The following DPYD variants were observed in gnomAD, a reference collection of about 807,000 sequenced individuals.
DPYD encodes the protein dihydropyrimidine dehydrogenase.
DPYD carries 109 observed loss-of-function variants against 116.2 expected under a neutral mutation model. The ratio of observed to expected loss-of-function variants is 0.94; its 90% CI spans 0.80 to 1.10. The LOEUF is 1.10. DPYD is among the 50% of genes least tolerant of loss of function. DPYD has a pLI of 0.00. For missense variants in DPYD, 1,302 were observed against 1,254.5 expected (o/e 1.04, Z -0.57); for synonymous variants, 440 against 432.0 (o/e 1.02, Z -0.23).
intron 13 of DPYD, among the ~76,000 whole-genome samples, chr1:97,469,870 T>C (rs1300851651): frequency 6.6e-6 from 1 of 152,206 alleles, no homozygotes; most frequent in Non-Finnish European, 1.5e-5. Flanking sequence ...ACATGGAGGA[T>C]ACAGGCTAGA....
At chr1:97,408,055 C>A (rs1673776429) in intron 14 of DPYD, among the ~76,000 whole-genome samples, 1 of 152,018 alleles carries the variant, frequency 6.6e-6, no homozygotes, top group Non-Finnish European at 1.5e-5. Context: ...TACAGGAGAT[C>A]CCTTAGGGCA....
At chr1:97,841,823 GTTTT>G (rs1670051386) in intron 2 of DPYD, among the ~76,000 whole-genome samples, 1 of 151,792 alleles carries the variant, frequency 6.6e-6, no homozygotes, top group South Asian at 2.1e-4. Flanking sequence ...TTTTTTGTTT[GTTTT>G]TATTATTAAT....
At chr1:97,539,840 G>GT (rs893292904) in intron 12 of DPYD, among the ~76,000 whole-genome samples, 3 of 152,066 alleles carry the variant, frequency 2.0e-5, no homozygotes, top group African/African-American at 7.2e-5. Context: ...CTATCTCCAA[G>GT]TTTTTTCTCA....
At chr1:97,210,722 T>G (rs1659981772) in intron 19 of DPYD, among the ~76,000 whole-genome samples, 1 of 152,148 alleles carries the variant, frequency 6.6e-6, no homozygotes, top group Non-Finnish European at 1.5e-5. Flanking sequence ...AGTGCCTATC[T>G]GACATTTTCA....
intron 2 of DPYD, among the ~76,000 whole-genome samples, chr1:97,836,047 G>A (rs997366849): frequency 6.6e-6 from 1 of 152,142 alleles, no homozygotes; most frequent in Non-Finnish European, 1.5e-5. Context: ...ATGTAATCTA[G>A]AGGCTTTAAA....
intron 8 of DPYD, among the ~76,000 whole-genome samples, chr1:97,643,085 T>G (rs1243584132): frequency 1.3e-5 from 2 of 151,916 alleles, no homozygotes; most frequent in African/African-American, 4.8e-5. Context: ...AATTGACAAA[T>G]GGGATCTAAT....
chr1:97,589,169 T>C (rs1404248730), intron 10 of DPYD, among the ~76,000 whole-genome samples: 2 of 152,226 alleles, frequency 1.3e-5, no homozygotes, highest in Non-Finnish European at 2.9e-5. Flanking sequence ...CAGAGTCTAT[T>C]GGATGATGTC....
intron 2 of DPYD, among the ~76,000 whole-genome samples, chr1:97,879,116 A>G (rs1672055837): frequency 6.6e-6 from 1 of 151,972 alleles, no homozygotes; most frequent in Non-Finnish European, 1.5e-5. Flanking sequence ...GGAACTGTGA[A>G]TAGGTTTCTT....
intron 19 of DPYD, among the ~76,000 whole-genome samples, chr1:97,196,561 G>A (rs1220099366): frequency 4.3e-4 from 66 of 152,196 alleles, no homozygotes; most frequent in Non-Finnish European, 2.4e-4. Context: ...ATAAAACAAT[G>A]CAATATCTAA....
At position 97,606,984 on chromosome 1, in the gene DPYD, C is replaced by A. The variant is rs76408291; in HGVS notation, c.851-11818G>T. ...TTAAATTATAGTGTTCATATTACGA[C>A]AAATGTAGAGAGACTGAAAAATGAG... On this transcript the variant is annotated intron_variant, in intron 8 of 22. Coordinates refer to ENST00000370192, the MANE Select transcript of DPYD (RefSeq NM_000110.4). Among the ~76,000 whole-genome samples the A allele has an allele frequency of 7.2e-3, 1,092 of 151,938 alleles. 14 individuals are homozygous for A. The highest frequency in any genetic ancestry group is 0.025 in the African/African-American group (1,040 of 41,472).
chr1:97,769,166 T>C (rs1666022959), intron 3 of DPYD, among the ~76,000 whole-genome samples: 2 of 152,086 alleles, frequency 1.3e-5, no homozygotes, highest in South Asian at 4.1e-4. Context: ...TGCCTAGATT[T>C]CCATTAAGTA....
intron 21 of DPYD, among the ~76,000 whole-genome samples, chr1:97,090,009 TTC>T (rs1290395027): frequency 6.6e-6 from 1 of 152,142 alleles, no homozygotes; most frequent in Non-Finnish European, 1.5e-5. Context: ...CTTTTTTATA[TTC>T]TGTTATTAAT....
chr1:97,322,113 T>C (rs1156978577), intron 16 of DPYD, among the ~76,000 whole-genome samples: 3 of 125,044 alleles, frequency 2.4e-5, no homozygotes, highest in Admixed American at 8.2e-5. Context: ...AGGGATAGCA[T>C]TGGGAGATAT....
In DPYD at chr1:97,141,907, C is replaced by T. The variant is rs1420972317; in HGVS notation, c.2623-43275G>A. On this transcript the variant is annotated intron_variant, in intron 20 of 22. Transcript: ENST00000370192. ...AGTTACTGACTCCTTTGCCAAGTAG[C>T]CGCAGTACATATCCACAGCCTCCTA... is the stretch of plus-strand genomic sequence containing the variant. Among the ~76,000 whole-genome samples, 3 of 152,094 alleles carry T rather than the reference C, an allele frequency of 2.0e-5. No individual in the cohort carries two copies. In the East Asian group the frequency reaches 5.8e-4, roughly 29 times the overall value.
chr1:97,352,438 T>C (rs1320117302), intron 16 of DPYD, among the ~76,000 whole-genome samples: 1 of 152,026 alleles, frequency 6.6e-6, no homozygotes, highest in African/African-American at 2.4e-5. Flanking sequence ...GCTGTACTCA[T>C]CAGTGGGAAA....
intron 18 of DPYD, among the ~76,000 whole-genome samples, chr1:97,291,747 T>G (rs10465747): frequency 0.59 from 90,044 of 151,450 alleles, 26,970 homozygotes; most frequent in South Asian, 0.71. Flanking sequence ...AAATGATGAG[T>G]TAATGGGTGC....
In DPYD at chr1:97,783,816, T is replaced by C. The variant is rs1007871139; in HGVS notation, c.234-43337A>G. On this transcript the variant is annotated intron_variant, in intron 3 of 22. Coordinates refer to ENST00000370192, the MANE Select transcript of DPYD (RefSeq NM_000110.4). ...TCAGAGAAAGGCTACACCTTTCTTA[T>C]GGTCAGTAATTTATTCTAAATCCCA... Among the ~76,000 whole-genome samples, 9 of 152,354 alleles carry C rather than the reference T, an allele frequency of 5.9e-5. No individual in the cohort carries two copies. The South Asian group carries it at 6.2e-4, about 11-fold the overall frequency.
intron 3 of DPYD, among the ~76,000 whole-genome samples, chr1:97,827,049 T>C (rs1669274922): frequency 6.6e-6 from 1 of 152,064 alleles, no homozygotes; most frequent in Non-Finnish European, 1.5e-5. Context: ...GAGGGCAGCT[T>C]CTATTAAATT....
chr1:97,676,844 C>T (rs975438728), intron 8 of DPYD, among the ~76,000 whole-genome samples: 2 of 152,114 alleles, frequency 1.3e-5, no homozygotes, highest in African/African-American at 4.8e-5. Context: ...AAATTTTTCT[C>T]GTATATGTTT....
Sources: gnomAD v4.1 joint callset for allele counts (sites outside exome capture counted in the v4.1 genomes callset) on GRCh38, gnomAD v4.1.1 for gene constraint, MANE v1.5 for transcripts, NCBI Gene and HGNC (gene_info 2026-07-23, HGNC 2026-07-21) for gene names.